VTI1A: variants seen among roughly 807,000 people sequenced by gnomAD.
The protein encoded by VTI1A is vesicle transport through interaction with t-SNAREs 1A.
A neutral mutation model predicts 34.9 loss-of-function variants in VTI1A; 22 were observed. The ratio of observed to expected loss-of-function variants is 0.63; its 90% confidence interval spans 0.45 to 0.90. The LOEUF (loss-of-function observed/expected upper bound fraction) is 0.90. VTI1A is among the 40% of genes least tolerant of loss of function. The probability of loss-of-function intolerance (pLI) is 0.00; values close to 1 mark genes in which losing one functional copy is unlikely to be tolerated. For missense variants in VTI1A, 268 were observed against 275.6 expected (o/e 0.97, Z 0.20); for synonymous variants, 87 against 97.3 (o/e 0.89, Z 0.62).
intron 5 of VTI1A, among the ~76,000 whole-genome samples, chr10:112,558,015 T>C (rs1851593918): frequency 6.6e-6 from 1 of 152,168 alleles, no homozygotes. Context: ...ACAAGTAAAA[T>C]TGAAGAAGAA....
At chr10:112,770,239 T>C (rs1851767314) in intron 7 of VTI1A, among the ~76,000 whole-genome samples, 1 of 152,042 alleles carries the variant, frequency 6.6e-6, no homozygotes, top group Non-Finnish European at 1.5e-5. Context: ...GGCAAGTAAC[T>C]GGCCTAAGAT....
intron 7 of VTI1A, among the ~76,000 whole-genome samples, chr10:112,745,147 T>G (rs1850849060): frequency 1.3e-5 from 2 of 152,210 alleles, no homozygotes; most frequent in Admixed American, 1.3e-4. Context: ...TGGCCATTTC[T>G]TCACCTAATA....
At chr10:112,553,867 G>A (rs1354355582) in intron 5 of VTI1A, among the ~76,000 whole-genome samples, 1 of 152,176 alleles carries the variant, frequency 6.6e-6, no homozygotes, top group Non-Finnish European at 1.5e-5. Context: ...CAATATAGGT[G>A]GGTTGGAGGG....
chr10:112,702,131 C>T (rs1455365150), intron 7 of VTI1A, among the ~76,000 whole-genome samples: 1 of 152,132 alleles, frequency 6.6e-6, no homozygotes, highest in Admixed American at 6.5e-5. Flanking sequence ...GTGCAGCAGT[C>T]CAACCTGGGC....
intron 7 of VTI1A, among the ~76,000 whole-genome samples, chr10:112,730,657 A>G (rs1200369891): frequency 6.7e-6 from 1 of 148,730 alleles, no homozygotes; most frequent in African/African-American, 2.5e-5. Flanking sequence ...TGGCTTTTTA[A>G]CTCTCTCCTC....
chr10:112,757,007 C>CT (rs1169166168), intron 7 of VTI1A, among the ~76,000 whole-genome samples: 4 of 150,654 alleles, frequency 2.7e-5, no homozygotes, highest in Non-Finnish European at 4.4e-5. Context: ...AATTGCGCCA[C>CT]TGCACTCCAG....
intron 5 of VTI1A, among the ~76,000 whole-genome samples, chr10:112,621,058 C>G (rs1287049417): frequency 6.6e-6 from 1 of 152,118 alleles, no homozygotes; most frequent in Non-Finnish European, 1.5e-5. Flanking sequence ...TGAAAAATTG[C>G]CTGTTCTTTT....
rs1040004493 is a variant in VTI1A, at chr10:112,815,556, C to T, written c.*173C>T. The T allele has an allele frequency of 1.8e-5, 11 of 603,998 alleles. No homozygotes were observed. The African/African-American group carries it at 2.0e-4, about 11-fold the overall frequency. The allele number at this position is 603,998 out of a possible 1,614,324, so 37.4% of individuals were successfully genotyped here. ...TAAAAATATTTTCTATTCCTGTTTG[C>T]ATGTGGGTTGGTTTCCTTTTCGAGG... On this transcript the variant is annotated 3_prime_UTR_variant, in exon 8 of 8. Transcript: ENST00000393077.
intron 4 of VTI1A, among the ~76,000 whole-genome samples, chr10:112,533,952 T>A (rs1225639380): frequency 6.6e-6 from 1 of 152,146 alleles, no homozygotes; most frequent in African/African-American, 2.4e-5. Context: ...TACTGTAAAC[T>A]GTTCTTAAAT....
At chr10:112,828,120 C>G in the VTI1A span, among the ~76,000 whole-genome samples, 2 of 152,052 alleles carry the variant, frequency 1.3e-5, no homozygotes, top group African/African-American at 4.8e-5. Context: ...GGAAAACACC[C>G]CCAGGCATGT....
chr10:112,464,967 C>G (rs944546640), intron 3 of VTI1A, among the ~76,000 whole-genome samples: 5 of 152,124 alleles, frequency 3.3e-5, no homozygotes, highest in East Asian at 1.9e-4. Context: ...GGGTTTGGAG[C>G]CTTTAAGAGG....
intron 5 of VTI1A, among the ~76,000 whole-genome samples, chr10:112,594,608 G>A (rs1468428081): frequency 5.3e-5 from 8 of 152,014 alleles, no homozygotes; most frequent in Non-Finnish European, 7.4e-5. Context: ...TACAAGGGAC[G>A]TGAAGGACCT....
At chr10:112,781,858 A>C (rs1590179160) in intron 7 of VTI1A, among the ~76,000 whole-genome samples, 3 of 152,062 alleles carry the variant, frequency 2.0e-5, no homozygotes, top group African/African-American at 7.2e-5. Flanking sequence ...CTGTCTAAAA[A>C]GTAAATAAAT....
At chr10:112,729,138 C>A (rs943356416) in intron 7 of VTI1A, among the ~76,000 whole-genome samples, 1 of 152,028 alleles carries the variant, frequency 6.6e-6, no homozygotes, top group Non-Finnish European at 1.5e-5. Flanking sequence ...TACAGGCCAA[C>A]AGAGGGAATG....
At chr10:112,655,594 A>G (rs184387052) in intron 5 of VTI1A, among the ~76,000 whole-genome samples, 4 of 152,320 alleles carry the variant, frequency 2.6e-5, no homozygotes, top group East Asian at 1.9e-4. Context: ...TGGTCTTTGA[A>G]TAAGACAAGC....
chr10:112,730,934 G>A (rs1326135917), intron 7 of VTI1A, among the ~76,000 whole-genome samples: 12 of 152,044 alleles, frequency 7.9e-5, no homozygotes, highest in African/African-American at 2.9e-4. Flanking sequence ...TTGATAGTCT[G>A]AATAGTTTAT....
chr10:112,458,651 T>TATTTTC (rs1847626738), intron 1 of VTI1A, among the ~76,000 whole-genome samples: 1 of 108,214 alleles, frequency 9.2e-6, no homozygotes, highest in Non-Finnish European at 1.9e-5. Flanking sequence ...TATATATTTT[T>TATTTTC]ATTTTTATTT....
intron 7 of VTI1A, among the ~76,000 whole-genome samples, chr10:112,695,794 C>T (rs757039718): frequency 6.6e-6 from 1 of 152,184 alleles, no homozygotes; most frequent in Non-Finnish European, 1.5e-5. Context: ...CTTACACCTT[C>T]AGGAGGCTTT....
chr10:112,590,193 T>C (rs888179853), intron 5 of VTI1A, among the ~76,000 whole-genome samples: 2 of 152,122 alleles, frequency 1.3e-5, no homozygotes, highest in African/African-American at 4.8e-5. Context: ...CTCAAAAGTT[T>C]AGTTGATATT....
Sources: allele counts gnomAD v4.1 joint callset (sites outside exome capture counted in the v4.1 genomes callset), GRCh38; gene constraint gnomAD v4.1.1; transcripts MANE v1.5; gene names NCBI Gene and HGNC (gene_info 2026-07-23, HGNC 2026-07-21).